AASDH: variants seen among roughly 807,000 people sequenced by gnomAD.
AASDH encodes aminoadipate-semialdehyde dehydrogenase, also known as beta-alanine-activating enzyme.
A neutral mutation model predicts 102.3 loss-of-function variants in AASDH; 81 were observed. The observed-to-expected ratio is 0.79, with a 90% CI of 0.66 to 0.95. The LOEUF (loss-of-function observed/expected upper bound fraction) is 0.95. Among genes scored for constraint, AASDH ranks in the 40% least tolerant of loss-of-function variants. The pLI is 0.00. For missense variants in AASDH, 1,203 were observed against 1,266.2 expected, an observed-to-expected ratio of 0.95 and a Z score of 0.76; for synonymous variants, 398 against 454.0, an observed-to-expected ratio of 0.88 and a Z score of 1.57.
intron 13 of AASDH, 67 bp from the exon 14 acceptor site, chr4:56,343,033 C>T: frequency 7.3e-7 from 1 of 1,371,998 alleles, no homozygotes; most frequent in Non-Finnish European, 9.6e-7. Flanking sequence ...CTTTAAAAAA[C>T]AAACTCATAC....
intron 3 of AASDH, 28 bp downstream of exon 3, chr4:56,382,448 CA>C (rs1390467162): frequency 6.6e-7 from 1 of 1,508,396 alleles, no homozygotes; most frequent in Admixed American, 1.9e-5. Flanking sequence ...GTAATACAGG[CA>C]AAAAACAATT....
intron 11 of AASDH, among the ~76,000 whole-genome samples, chr4:56,345,654 GT>G (rs1448691884): frequency 3.3e-5 from 5 of 152,178 alleles, no homozygotes; most frequent in African/African-American, 1.2e-4. Flanking sequence ...ATCACCCAGT[GT>G]TGCTAAGCCC....
At chr4:56,351,609 CT>C in intron 9 of AASDH, 152 bp from the exon 10 acceptor site, 2 of 562,042 alleles carry the variant, frequency 3.6e-6, no homozygotes, top group Non-Finnish European at 6.3e-6. Context: ...AAAAAGTTGT[CT>C]GATACTACCA....
intron 11 of AASDH, among the ~76,000 whole-genome samples, chr4:56,347,979 C>G (rs1034321421): frequency 6.6e-6 from 1 of 151,676 alleles, no homozygotes; most frequent in African/African-American, 2.4e-5. Flanking sequence ...GGTGAAACCC[C>G]ATCTCTACAA....
intron 5 of AASDH, 97 bp from the exon 6 acceptor site, chr4:56,355,520 C>A: frequency 1.7e-6 from 2 of 1,145,074 alleles, no homozygotes; most frequent in South Asian, 1.8e-5. Context: ...TTGGAGCCCA[C>A]ATGGAAATGA....
At chr4:56,368,395 T>C (rs144922537) in intron 5 of AASDH, among the ~76,000 whole-genome samples, 26,097 of 152,078 alleles carry the variant, frequency 0.17, 2,601 homozygotes, top group Admixed American at 0.3. Context: ...TTATAAATCA[T>C]GCTGCTATAA....
intron 7 of AASDH, 24 bp from the exon 8 acceptor site, chr4:56,354,235 G>A (rs1749332862): frequency 1.3e-6 from 2 of 1,493,924 alleles, no homozygotes; most frequent in Non-Finnish European, 1.8e-6. Flanking sequence ...AAACACCAAT[G>A]TCATAAAAAT....
intron 5 of AASDH, among the ~76,000 whole-genome samples, chr4:56,363,000 C>A (rs1206868939): frequency 6.6e-6 from 1 of 152,192 alleles, no homozygotes; most frequent in East Asian, 1.9e-4. Flanking sequence ...CAGACGGCAC[C>A]TGGAAAATCG....
chr4:56,355,521 A>G (rs982542929), intron 5 of AASDH, 98 bp from the exon 6 acceptor site: 31 of 1,149,048 alleles, frequency 2.7e-5, no homozygotes, highest in Non-Finnish European at 3.6e-5. Flanking sequence ...TGGAGCCCAC[A>G]TGGAAATGAA....
intron 5 of AASDH, among the ~76,000 whole-genome samples, chr4:56,366,783 T>C (rs1190640541): frequency 4.6e-5 from 7 of 151,280 alleles, no homozygotes; most frequent in Non-Finnish European, 7.4e-5. Context: ...GGACAAAAAC[T>C]GGAAGCATTC....
intron 5 of AASDH, chr4:56,356,770 GT>G (rs1456977351): frequency 1.5e-5 from 11 of 729,342 alleles, no homozygotes; most frequent in African/African-American, 5.2e-5. Flanking sequence ...AGACAAAGGC[GT>G]TTTGGCTAAG....
At chr4:56,340,113 G>C (rs866231770) in intron 14 of AASDH, among the ~76,000 whole-genome samples, 11 of 152,150 alleles carry the variant, frequency 7.2e-5, no homozygotes, top group African/African-American at 2.2e-4. Context: ...AGGTTTCAGT[G>C]AGCCAAAATT....
chr4:56,360,544 A>C (rs1002760670), intron 5 of AASDH, among the ~76,000 whole-genome samples: 5 of 152,254 alleles, frequency 3.3e-5, no homozygotes, highest in Admixed American at 6.5e-5. Context: ...CACAAAATTC[A>C]GCAGTTTTAA....
intron 14 of AASDH, 61 bp from the exon 15 acceptor site, chr4:56,338,852 A>C: frequency 1.3e-6 from 2 of 1,483,118 alleles, no homozygotes; most frequent in Non-Finnish European, 1.8e-6. Context: ...TTCTCCCTTA[A>C]AGCTCTATGA....
intron 11 of AASDH, chr4:56,348,904 C>A: frequency 4.4e-6 from 1 of 226,226 alleles, no homozygotes; most frequent in Admixed American, 5.3e-5. Flanking sequence ...AATTGCTGAC[C>A]CATAGAAACT....
At chr4:56,376,290 T>G (rs934066676) in intron 4 of AASDH, among the ~76,000 whole-genome samples, 2 of 152,132 alleles carry the variant, frequency 1.3e-5, no homozygotes, top group African/African-American at 2.4e-5. Context: ...CCTCCTAAAG[T>G]GTGGGATTAC....
At chr4:56,368,607 A>G (rs1309257549) in intron 5 of AASDH, among the ~76,000 whole-genome samples, 1 of 151,454 alleles carries the variant, frequency 6.6e-6, no homozygotes, top group Non-Finnish European at 1.5e-5. Flanking sequence ...TTCTCAGCAA[A>G]CTATTGCAAG....
At chr4:56,342,512 G>GT (rs1222079043) in intron 14 of AASDH, among the ~76,000 whole-genome samples, 1 of 151,954 alleles carries the variant, frequency 6.6e-6, no homozygotes, top group African/African-American at 2.4e-5. Context: ...CTAAAAACTG[G>GT]TAATATTTTA....
At chr4:56,356,290 C>A in intron 5 of AASDH, 1 of 1,211,004 alleles carries the variant, frequency 8.3e-7, no homozygotes, top group Non-Finnish European at 1.2e-6. Context: ...ACCTCACCAG[C>A]TTTGTGAAAT....
Sources: gnomAD v4.1 joint callset for allele counts (sites outside exome capture counted in the v4.1 genomes callset) on GRCh38, gnomAD v4.1.1 for gene constraint, MANE v1.5 for transcripts, NCBI Gene and HGNC (gene_info 2026-07-23, HGNC 2026-07-21) for gene names.